The following VPS13A variants were observed in gnomAD, a reference collection of about 807,000 sequenced individuals.
VPS13A encodes intermembrane lipid transfer protein VPS13A.
A neutral mutation model predicts 390.9 loss-of-function variants in VPS13A; 264 were observed. The observed-to-expected ratio is 0.68, with a 90% confidence interval of 0.61 to 0.75. The LOEUF (loss-of-function observed/expected upper bound fraction) is 0.75, where lower values mean the gene tolerates loss of function less well. Ranked by LOEUF, VPS13A falls within the 30% of genes least tolerant of loss-of-function variation. The probability of loss-of-function intolerance (pLI) is 0.00; values close to 1 mark genes in which losing one functional copy is unlikely to be tolerated. For missense variants in VPS13A, 3,409 were observed against 3,733.9 expected, an observed-to-expected ratio of 0.91 and a Z score of 2.27; for synonymous variants, 1,231 against 1,227.1, an observed-to-expected ratio of 1.00 and a Z score of -0.07.
chr9:77,414,854 C>T (rs548777760), intron 71 of VPS13A, among the ~76,000 whole-genome samples: 2 of 152,102 alleles, frequency 1.3e-5, no homozygotes, highest in African/African-American at 2.4e-5. Flanking sequence ...GCCTCCTGCA[C>T]TCATACAACA....
intron 52 of VPS13A, among the ~76,000 whole-genome samples, chr9:77,347,267 G>C (rs1209735346): frequency 1.3e-5 from 2 of 151,652 alleles, no homozygotes; most frequent in Non-Finnish European, 1.5e-5. Context: ...TCTGTAGATT[G>C]CTTATGGCAG....
intron 68 of VPS13A, among the ~76,000 whole-genome samples, chr9:77,402,796 A>G (rs1482000672): frequency 6.6e-6 from 1 of 152,206 alleles, no homozygotes; most frequent in Non-Finnish European, 1.5e-5. Context: ...AAAGAAAAGC[A>G]TATTTGTTAC....
intron 46 of VPS13A, among the ~76,000 whole-genome samples, chr9:77,333,462 G>A (rs565853446): frequency 5.0e-4 from 58 of 114,940 alleles, no homozygotes; most frequent in African/African-American, 1.6e-3. Context: ...ATGGAGTTTC[G>A]CTCTTGTTGC....
chr9:77,322,347 A>C (rs184654395), intron 44 of VPS13A, among the ~76,000 whole-genome samples: 2 of 152,024 alleles, frequency 1.3e-5, no homozygotes. Context: ...ATAGTCCCAG[A>C]GCCTCACCTA....
At chr9:77,406,263 A>G (rs1834602828) in intron 70 of VPS13A, among the ~76,000 whole-genome samples, 1 of 152,192 alleles carries the variant, frequency 6.6e-6, no homozygotes, top group Non-Finnish European at 1.5e-5. Context: ...CACATATGAA[A>G]TAATGGATAG....
At chr9:77,243,346 T>G (rs1824615829) in intron 19 of VPS13A, among the ~76,000 whole-genome samples, 1 of 152,202 alleles carries the variant, frequency 6.6e-6, no homozygotes, top group Admixed American at 6.5e-5. Flanking sequence ...TCTGTGAATA[T>G]GATCTTTGAG....
chr9:77,295,855 T>G lies in VPS13A; in HGVS notation c.3812+9T>G, dbSNP rs770661029. ...GAAATGCGACTATACAGGTAAGCTTTTCACAAGTATATTTGTGTGGAATGC... is the reference window on the plus strand; with the variant it reads ...GAAATGCGACTATACAGGTAAGCTTGTCACAAGTATATTTGTGTGGAATGC... On this transcript the variant is annotated intron_variant, in intron 33 of 71. Coordinates refer to ENST00000360280, the MANE Select transcript of VPS13A (RefSeq NM_033305.3). 1 of 1,612,788 alleles carries G rather than the reference T, an allele frequency of 6.2e-7. No homozygotes were observed. Among genetic ancestry groups the G allele is most frequent in the Non-Finnish European group, 8.5e-7 (1 of 1,179,710 alleles).
intron 1 of VPS13A, among the ~76,000 whole-genome samples, chr9:77,182,677 A>G (rs72740392): frequency 0.054 from 8,296 of 152,310 alleles, 338 homozygotes; most frequent in Middle Eastern, 0.12. Context: ...TGTACTTCAT[A>G]GCCCCTTCTT....
chr9:77,313,663 A>G (rs1311029712), intron 35 of VPS13A, among the ~76,000 whole-genome samples: 1 of 152,142 alleles, frequency 6.6e-6, no homozygotes, highest in African/African-American at 2.4e-5. Context: ...AGTTACTGTA[A>G]TATGCATTTT....
intron 23 of VPS13A, among the ~76,000 whole-genome samples, chr9:77,265,834 AC>A (rs369362271): frequency 1.5e-3 from 234 of 152,096 alleles, no homozygotes; most frequent in African/African-American, 5.2e-3. Context: ...GTCTTCTGCT[AC>A]CTTTTGAATT....
rs760705525 is a variant in VPS13A, at chr9:77,221,371, T to A, written c.1161+15T>A. 7 of 1,611,336 alleles carry A rather than the reference T, an allele frequency of 4.3e-6. No homozygotes were observed. The East Asian group carries it at 1.6e-4, about 36-fold the overall frequency. ...TGTCTTTGGAGGTTAGCATTTAAAA[T>A]GAAATTGTTGAGTGTTTTATACTAC... On this transcript the variant is annotated intron_variant, in intron 13 of 71. Coordinates refer to ENST00000360280, the MANE Select transcript of VPS13A (RefSeq NM_033305.3).
rs756634483 is a variant in VPS13A, at chr9:77,286,283, C to T, written c.3339+2633C>T. Among the ~76,000 whole-genome samples the T allele has an allele frequency of 8.7e-4, 132 of 152,052 alleles. 1 individual carries two copies. Among genetic ancestry groups the T allele is most frequent in the Non-Finnish European group, 2.9e-4 (20 of 68,014 alleles). ...CAGGCATGTTGGTCAGATGGGACATCGGGGAGGCAACACAACAAAACACCC... is the reference window on the plus strand; with the variant it reads ...CAGGCATGTTGGTCAGATGGGACATTGGGGAGGCAACACAACAAAACACCC... On this transcript the variant is annotated intron_variant, in intron 31 of 71. Coordinates refer to ENST00000360280, the MANE Select transcript of VPS13A (RefSeq NM_033305.3).
chr9:77,207,237 A>ATATATATATG (rs1554859954), intron 5 of VPS13A, among the ~76,000 whole-genome samples: 1 of 79,536 alleles, frequency 1.3e-5, no homozygotes, highest in South Asian at 4.7e-4. Flanking sequence ...ATATATATAT[A>ATATATATATG]TATATATATA....
chr9:77,299,529 A>G (rs1185217603), intron 33 of VPS13A, among the ~76,000 whole-genome samples: 1 of 152,132 alleles, frequency 6.6e-6, no homozygotes, highest in Non-Finnish European at 1.5e-5. Flanking sequence ...TTCCTCAAGG[A>G]TCTAGAACCA....
intron 4 of VPS13A, 70 bp downstream of exon 4, chr9:77,205,478 A>G: frequency 1.3e-6 from 1 of 743,702 alleles, no homozygotes; most frequent in Non-Finnish European, 2.0e-6. Context: ...TTTATATTCA[A>G]AATACTTTTG....
At chr9:77,299,496 C>A (rs570610103) in intron 33 of VPS13A, among the ~76,000 whole-genome samples, 51 of 152,248 alleles carry the variant, frequency 3.3e-4, no homozygotes, top group Admixed American at 2.4e-3. Flanking sequence ...TTAGTGCAAC[C>A]ATTGTGGAAA....
intron 71 of VPS13A, among the ~76,000 whole-genome samples, chr9:77,411,009 T>G (rs965570205): frequency 2.6e-5 from 4 of 152,204 alleles, no homozygotes; most frequent in African/African-American, 9.7e-5. Context: ...CACACTGCAC[T>G]TATTCCAAAA....
chr9:77,316,159 TTTTA>T lies in VPS13A; in HGVS notation c.4631-11_4631-8del. The stretch of plus-strand genomic sequence containing the variant: ...ATATATAGCAAATATTTTAATCTAT[TTTTA>T]TTTGTTTTAGTACCTACACAGGAAT... On this transcript the variant is annotated splice_polypyrimidine_tract_variant and intron_variant, in intron 38 of 71. Coordinates refer to ENST00000360280, the MANE Select transcript of VPS13A (RefSeq NM_033305.3). 1 of 1,489,338 alleles carries T rather than the reference TTTTA, an allele frequency of 6.7e-7. No individual in the cohort carries two copies. The highest frequency in any genetic ancestry group is 9.3e-7 in the Non-Finnish European group (1 of 1,079,884). 92.3% of individuals were successfully genotyped at this position (1,489,338 alleles called of 1,614,324 possible).
At chr9:77,337,963 A>G (rs2131500494) in intron 47 of VPS13A, 2 of 155,428 alleles carry the variant, frequency 1.3e-5, no homozygotes, top group East Asian at 3.8e-4. Context: ...TACTTTTAGA[A>G]TTACCATTTG....
Sources: gnomAD v4.1 joint callset for allele counts (sites outside exome capture counted in the v4.1 genomes callset) on GRCh38, gnomAD v4.1.1 for gene constraint, MANE v1.5 for transcripts, NCBI Gene and HGNC (gene_info 2026-07-23, HGNC 2026-07-21) for gene names.